The following FIP1L1 variants were observed in gnomAD, a reference collection of about 807,000 sequenced individuals.
FIP1L1 encodes factor interacting with PAPOLA and CPSF1.
Under a neutral mutation model 84.6 loss-of-function variants are expected in FIP1L1, and 21 were observed. That is an observed-to-expected ratio of 0.25 (90% confidence interval 0.18 to 0.36). The LOEUF (loss-of-function observed/expected upper bound fraction) is 0.36, where lower values mean the gene tolerates loss of function less well. Among genes scored for constraint, FIP1L1 ranks in the 10% least tolerant of loss-of-function variants. The pLI is 1.00. For synonymous variants in FIP1L1, 263 were observed against 242.3 expected, an observed-to-expected ratio of 1.09 and a Z score of -0.80; for missense variants, 526 against 751.1, an observed-to-expected ratio of 0.70 and a Z score of 3.50.
chr4:53,419,183 C>T (rs549392622), intron 11 of FIP1L1, among the ~76,000 whole-genome samples: 1 of 152,102 alleles, frequency 6.6e-6, no homozygotes, highest in Non-Finnish European at 1.5e-5. Flanking sequence ...TTTGAACACA[C>T]TTATGTCCTC....
chr4:53,414,538 G>A (rs200275223), intron 10 of FIP1L1, 77 bp from the exon 11 acceptor site: 12 of 736,254 alleles, frequency 1.6e-5, no homozygotes, highest in African/African-American at 5.7e-5. Context: ...AGCATGTCAA[G>A]AAAAAAAAAA....
Position 53,419,237 on chromosome 4 carries a change from G to GT in FIP1L1, c.923+4522dup, listed in dbSNP as rs1170649531. Among the ~76,000 whole-genome samples, 8 of 151,908 alleles carry GT rather than the reference G, an allele frequency of 5.3e-5. No individual in the cohort carries two copies. In the East Asian group the frequency reaches 9.6e-4, roughly 18 times the overall value. ...CTTATTTCACCTTTAAACATTCAAGGTTTTTTTGTTTTGTTTTAAATAGAG... is the reference window on the plus strand; with the variant it reads ...CTTATTTCACCTTTAAACATTCAAGGTTTTTTTTGTTTTGTTTTAAATAGAG... On this transcript the variant is annotated intron_variant, in intron 11 of 17. Coordinates refer to ENST00000337488, the MANE Select transcript of FIP1L1 (RefSeq NM_030917.4).
At chr4:53,447,070 C>T (rs1774512338) in intron 15 of FIP1L1, among the ~76,000 whole-genome samples, 3 of 151,962 alleles carry the variant, frequency 2.0e-5, no homozygotes, top group Admixed American at 1.3e-4. Flanking sequence ...TTTTAGAATG[C>T]ATTTGATAAA....
rs372844088 is a variant in FIP1L1, at chr4:53,442,672, C to T, written c.1194C>T (p.Gly398=). ...TTTCAGGTTTTCCTCCTCCACCAGG[C>T]GCTCCACCTCCATCTCTTATACCAA... ...IPPPGFPPPP[G]APPPSLIPTI... The change falls in exon 14 of 18, where the codon GGC becomes GGT. Residue 398 remains glycine, a synonymous_variant. Transcript: ENST00000337488. 1.6e-5 allele frequency: 26 copies of T among 1,605,490 alleles called. No homozygotes were observed. The highest frequency in any genetic ancestry group is 6.7e-5 in the Admixed American group (4 of 59,892).
chr4:53,445,682 G>T (rs1773890966), intron 15 of FIP1L1, among the ~76,000 whole-genome samples: 1 of 152,172 alleles, frequency 6.6e-6, no homozygotes, highest in African/African-American at 2.4e-5. Flanking sequence ...TTCCTCTGGT[G>T]CCTTGTCCAT....
intron 5 of FIP1L1, among the ~76,000 whole-genome samples, chr4:53,388,779 G>A (rs1742558448): frequency 6.6e-6 from 1 of 152,098 alleles, no homozygotes; most frequent in East Asian, 1.9e-4. Flanking sequence ...ATTATATAAA[G>A]AAGTAAAGAA....
intron 10 of FIP1L1, among the ~76,000 whole-genome samples, chr4:53,407,666 G>T (rs1754444507): frequency 6.6e-6 from 1 of 152,014 alleles, no homozygotes; most frequent in Non-Finnish European, 1.5e-5. Flanking sequence ...AGGTCACTCA[G>T]GACTTGCTTT....
chr4:53,390,758 A>G (rs1357709757), intron 7 of FIP1L1, 130 bp downstream of exon 7: 2 of 649,082 alleles, frequency 3.1e-6, no homozygotes, highest in Admixed American at 3.4e-5. Context: ...ATGATGAGTA[A>G]TAATGACTTG....
intron 10 of FIP1L1, among the ~76,000 whole-genome samples, chr4:53,409,972 G>T (rs1473844196): frequency 1.3e-5 from 2 of 152,226 alleles, no homozygotes; most frequent in Non-Finnish European, 2.9e-5. Context: ...CCCTGCTTTG[G>T]CTCGCCCATG....
At chr4:53,442,807 G>A (rs1490371627) in intron 14 of FIP1L1, 100 bp downstream of exon 14, 2 of 647,046 alleles carry the variant, frequency 3.1e-6, no homozygotes, top group Admixed American at 2.9e-5. Flanking sequence ...TATAAACACA[G>A]CACCTGTCTT....
intron 14 of FIP1L1, 91 bp from the exon 15 acceptor site, chr4:53,443,957 T>G (rs1259705106): frequency 4.0e-6 from 3 of 746,094 alleles, no homozygotes; most frequent in Non-Finnish European, 6.6e-6. Flanking sequence ...ATAAAAGTTG[T>G]AATTTTGCCT....
intron 10 of FIP1L1, among the ~76,000 whole-genome samples, chr4:53,400,787 G>A (rs1332442993): frequency 1.3e-5 from 2 of 152,118 alleles, no homozygotes; most frequent in Non-Finnish European, 2.9e-5. Context: ...ATAATGAAAT[G>A]TGATTATTTA....
Position 53,390,991 on chromosome 4 carries a change from G to A in FIP1L1, c.506-18G>A, listed in dbSNP as rs754868145. On this transcript the variant is annotated intron_variant, in intron 7 of 17. Coordinates refer to ENST00000337488, the MANE Select transcript of FIP1L1 (RefSeq NM_030917.4). The stretch of plus-strand genomic sequence containing the variant: ...AGAGCTGAAATATTTGTACACTAAA[G>A]TTGTGTTTTATCTTTAGGTGCTGAT... The A allele has an allele frequency of 5.1e-6, 8 of 1,567,680 alleles. No individual in the cohort carries two copies. The Admixed American group carries it at 1.0e-4, about 20-fold the overall frequency.
At chr4:53,426,582 A>AAAAGAC (rs1764457625) in intron 12 of FIP1L1, among the ~76,000 whole-genome samples, 2 of 152,166 alleles carry the variant, frequency 1.3e-5, no homozygotes, top group South Asian at 4.1e-4. Context: ...AATGAAAAAT[A>AAAAGAC]AAAGACCACC....
chr4:53,398,557 A>G (rs1394002598), intron 9 of FIP1L1, among the ~76,000 whole-genome samples: 1 of 152,202 alleles, frequency 6.6e-6, no homozygotes, highest in African/African-American at 2.4e-5. Flanking sequence ...GCCTCATGGG[A>G]AAGGAGAGTG....
intron 10 of FIP1L1, among the ~76,000 whole-genome samples, chr4:53,411,293 C>T (rs1411564903): frequency 6.6e-6 from 1 of 152,070 alleles, no homozygotes; most frequent in African/African-American, 2.4e-5. Context: ...ATTAGCAGGG[C>T]TATCACTACT....
chr4:53,423,421 A>C (rs1763148259), intron 11 of FIP1L1, among the ~76,000 whole-genome samples: 2 of 152,142 alleles, frequency 1.3e-5, no homozygotes, highest in Admixed American at 6.5e-5. Context: ...TCATAGGGAA[A>C]CTCTATTAAA....
At chr4:53,396,051 TG>T (rs1325162269) in intron 9 of FIP1L1, among the ~76,000 whole-genome samples, 1 of 152,116 alleles carries the variant, frequency 6.6e-6, no homozygotes, top group Non-Finnish European at 1.5e-5. Context: ...CCCGAGTAGC[TG>T]GGATTACAGG....
In FIP1L1 at chr4:53,453,029, A is replaced by T; in HGVS notation, c.1395A>T (p.Arg465Ser). 1 of 1,612,734 alleles carries T rather than the reference A, an allele frequency of 6.2e-7. No homozygotes were observed. The highest frequency in any genetic ancestry group is 8.5e-7 in the Non-Finnish European group (1 of 1,178,826). The change falls in exon 16 of 18, where the codon AGA becomes AGT. Residue 465 changes from arginine (R) to serine (S), a missense_variant. By Grantham distance (110) the Arg-to-Ser change is moderately radical. Around this residue, in one of 6 missense-constraint regions of FIP1L1, gnomAD observed 83 missense variants for 93.8 expected, o/e 0.88. Transcript: ENST00000337488. ...ARREKDRDRE[R>S]DRDRERDRDR... ...GAGAGAAAGACCGAGATAGAGAGAG[A>T]GACAGAGACAGAGAGCGAGACCGTG...
Sources: allele counts gnomAD v4.1 joint callset (sites outside exome capture counted in the v4.1 genomes callset), GRCh38; gene constraint gnomAD v4.1.1; regional missense constraint gnomAD v4.1.1; transcripts MANE v1.5; gene names NCBI Gene and HGNC (gene_info 2026-07-23, HGNC 2026-07-21).